The following RBPJ variants were observed in gnomAD, a reference collection of about 807,000 sequenced individuals.
RBPJ encodes recombination signal binding protein for immunoglobulin kappa J region.
Under a neutral mutation model 67.8 loss-of-function variants are expected in RBPJ, and 9 were observed. That is an observed-to-expected ratio of 0.13 (90% CI 0.08 to 0.23). RBPJ has a LOEUF of 0.23. RBPJ is among the 10% of genes least tolerant of loss of function. The pLI is 1.00. For missense variants in RBPJ, 305 were observed against 595.6 expected (o/e 0.51, Z 5.08); for synonymous variants, 198 against 203.3 (o/e 0.97, Z 0.22).
intron 1 of RBPJ, among the ~76,000 whole-genome samples, chr4:26,212,043 G>T (rs1718443080): frequency 6.6e-6 from 1 of 152,094 alleles, no homozygotes; most frequent in South Asian, 2.1e-4. Context: ...ATCCCTCAGA[G>T]CCCTCAGAAG....
At chr4:26,120,806 C>A in the RBPJ span, among the ~76,000 whole-genome samples, 1 of 143,676 alleles carries the variant, frequency 7.0e-6, no homozygotes, top group African/African-American at 2.6e-5. Flanking sequence ...CAGAATGAAG[C>A]CTGGCAAGAG....
chr4:26,237,199 C>T lies in RBPJ; in HGVS notation c.-167+73585C>T, dbSNP rs140908927. 2.6e-4 allele frequency among the ~76,000 whole-genome samples: 39 copies of T among 152,270 alleles called. 1 individual carries two copies. The highest frequency in any genetic ancestry group is 3.4e-3 in the Middle Eastern group (1 of 294). ...GATCACGAAGTCAGGAGATCAAGAC[C>T]ATCCTGGTCTCCTGAATAGCAACAG... On this transcript the variant is annotated intron_variant, in intron 1 of 4. Coordinates refer to the RBPJ transcript ENST00000512351.
chr4:26,257,642 G>A (rs955463937), intron 1 of RBPJ, among the ~76,000 whole-genome samples: 3 of 152,066 alleles, frequency 2.0e-5, no homozygotes, highest in African/African-American at 7.2e-5. Context: ...AAAAAGAGAA[G>A]TGGAGTCATG....
At chr4:26,310,331 A>C (rs1722386649) in intron 1 of RBPJ, among the ~76,000 whole-genome samples, 1 of 152,226 alleles carries the variant, frequency 6.6e-6, no homozygotes, top group Admixed American at 6.5e-5. Flanking sequence ...AATGACAGGG[A>C]TAATGTTATG....
intron 2 of RBPJ, among the ~76,000 whole-genome samples, chr4:26,398,436 G>T (rs1732389402): frequency 6.6e-6 from 1 of 152,190 alleles, no homozygotes; most frequent in South Asian, 2.1e-4. Context: ...GGGAGATGTG[G>T]TTTGTAGTGT....
chr4:26,366,306 A>C (rs1408272116), intron 1 of RBPJ, among the ~76,000 whole-genome samples: 2 of 151,658 alleles, frequency 1.3e-5, no homozygotes, highest in Admixed American at 6.6e-5. Flanking sequence ...TGTTTTGTTT[A>C]TCTCTGATGG....
chr4:26,352,187 G>A (rs1726879344), intron 1 of RBPJ, among the ~76,000 whole-genome samples: 1 of 152,180 alleles, frequency 6.6e-6, no homozygotes, highest in Non-Finnish European at 1.5e-5. Flanking sequence ...CGTAAACTAG[G>A]TAGCTTATGA....
chr4:26,341,181 A>G (rs566175536), intron 1 of RBPJ, among the ~76,000 whole-genome samples: 2 of 152,214 alleles, frequency 1.3e-5, no homozygotes, highest in African/African-American at 2.4e-5. Context: ...TGGTGAAATG[A>G]GAAAACACTA....
At chr4:26,279,540 C>A (rs969651770) in intron 1 of RBPJ, among the ~76,000 whole-genome samples, 1 of 151,978 alleles carries the variant, frequency 6.6e-6, no homozygotes, top group Non-Finnish European at 1.5e-5. Flanking sequence ...CCTCCCAAAG[C>A]GTTGGGATTA....
intron 1 of RBPJ, among the ~76,000 whole-genome samples, chr4:26,267,231 G>A (rs1720732195): frequency 6.6e-6 from 1 of 152,160 alleles, no homozygotes; most frequent in Admixed American, 6.5e-5. Flanking sequence ...GTGCTCCAGA[G>A]TCTTAGAGTC....
chr4:26,222,157 G>A (rs983825609), intron 1 of RBPJ, among the ~76,000 whole-genome samples: 6 of 152,120 alleles, frequency 3.9e-5, no homozygotes, highest in Admixed American at 2.6e-4. Context: ...TTCTTGCCTT[G>A]CAGCAAAATC....
chr4:26,427,673 G>A (rs1013038957), intron 7 of RBPJ, among the ~76,000 whole-genome samples: 2 of 152,212 alleles, frequency 1.3e-5, no homozygotes, highest in African/African-American at 4.8e-5. Flanking sequence ...AGCAGTTGTA[G>A]TGGCGTCTTT....
In RBPJ at chr4:26,264,012, C is replaced by T. The variant is rs151167531; in HGVS notation, c.-166-98434C>T. 3.8e-3 allele frequency among the ~76,000 whole-genome samples: 578 copies of T among 152,164 alleles called. 7 individuals carry two copies. Among genetic ancestry groups the T allele is most frequent in the African/African-American group, 0.013 (558 of 41,516 alleles). On this transcript the variant is annotated intron_variant, in intron 1 of 4. Transcript: ENST00000512351. The surrounding 1 kb of genome is among the most constrained non-coding windows in gnomAD (Gnocchi z 4.1). The stretch of plus-strand genomic sequence containing the variant: ...GTCTCAGCCTCCTGAGTAGCTGGGA[C>T]TACAGACGTGTGCCACCACGTCCTG...
intron 1 of RBPJ, among the ~76,000 whole-genome samples, chr4:26,213,365 CA>C (rs1237033732): frequency 3.3e-5 from 5 of 151,994 alleles, no homozygotes; most frequent in Admixed American, 1.3e-4. Context: ...AATTCAAGGG[CA>C]GAGAAAAAAA....
intron 1 of RBPJ, among the ~76,000 whole-genome samples, chr4:26,276,306 ATAAATACATAAAGCTGTTG>A (rs1277441729): frequency 1.3e-5 from 2 of 152,042 alleles, no homozygotes; most frequent in Non-Finnish European, 2.9e-5. Flanking sequence ...AAAACATAAA[ATAAATACATAAAGCTGTTG>A]TAAATTTTAA....
chr4:26,341,848 C>A (rs545035906), intron 1 of RBPJ, among the ~76,000 whole-genome samples: 1 of 152,244 alleles, frequency 6.6e-6, no homozygotes, highest in Admixed American at 6.5e-5. Context: ...AGGAGAAATA[C>A]CAGCACGTTT....
chr4:26,168,829 C>T (rs1716428389), intron 1 of RBPJ, among the ~76,000 whole-genome samples: 1 of 151,992 alleles, frequency 6.6e-6, no homozygotes, highest in Non-Finnish European at 1.5e-5. Context: ...TTTCATCTTC[C>T]ATCGCTGATA....
intron 1 of RBPJ, among the ~76,000 whole-genome samples, chr4:26,294,242 C>T (rs1245023894): frequency 6.6e-6 from 1 of 152,036 alleles, no homozygotes; most frequent in Non-Finnish European, 1.5e-5. Flanking sequence ...GGATTACAGG[C>T]ACCTGCCACC....
intron 1 of RBPJ, among the ~76,000 whole-genome samples, chr4:26,307,817 C>T (rs1722285983): frequency 6.6e-6 from 1 of 152,138 alleles, no homozygotes; most frequent in Admixed American, 6.5e-5. Flanking sequence ...ATGTTTTTAT[C>T]CATTAGTGAA....
Sources: allele counts gnomAD v4.1 joint callset (sites outside exome capture counted in the v4.1 genomes callset), GRCh38; gene constraint gnomAD v4.1.1; non-coding constraint Gnocchi (gnomAD v3.1); transcripts MANE v1.5; gene names NCBI Gene and HGNC (gene_info 2026-07-23, HGNC 2026-07-21).